Variants in TMCO4 observed in about 807,000 individuals in gnomAD.
TMCO4 encodes the protein transmembrane and coiled-coil domains 4.
Under a neutral mutation model 64.7 loss-of-function variants are expected in TMCO4, and 58 were observed. The observed-to-expected ratio is 0.90, with a 90% confidence interval of 0.73 to 1.12. The LOEUF is 1.12. Among genes scored for constraint, TMCO4 ranks in the 50% most tolerant of loss-of-function variants. The pLI, the probability that TMCO4 is intolerant of heterozygous loss-of-function variation, is 0.00. For synonymous variants in TMCO4, 325 were observed against 346.1 expected (o/e 0.94, Z 0.68); for missense variants, 780 against 825.9 (o/e 0.94, Z 0.68).
chr1:19,726,613 G>A (rs2095409800), intron 13 of TMCO4, among the ~76,000 whole-genome samples: 1 of 152,138 alleles, frequency 6.6e-6, no homozygotes, highest in African/African-American at 2.4e-5. Context: ...GAGGATTATT[G>A]CAAGGATTAA....
chr1:19,795,378 A>G (rs552226240), intron 2 of TMCO4, among the ~76,000 whole-genome samples: 1 of 152,306 alleles, frequency 6.6e-6, no homozygotes, highest in South Asian at 2.1e-4. Context: ...AGGCTGAGGC[A>G]GGAGAATCAC....
At chr1:19,733,790 G>C (rs944783261) in intron 13 of TMCO4, among the ~76,000 whole-genome samples, 1 of 152,162 alleles carries the variant, frequency 6.6e-6, no homozygotes, top group African/African-American at 2.4e-5. Context: ...ATGGAGTGTG[G>C]CTTGGAGAGA....
chr1:19,780,316 A>G (rs900019220), intron 4 of TMCO4, among the ~76,000 whole-genome samples: 2 of 152,184 alleles, frequency 1.3e-5, no homozygotes, highest in African/African-American at 4.8e-5. Flanking sequence ...CTTAGTATTC[A>G]TAAAATGCTT....
At position 19,682,801 on chromosome 1, in the gene TMCO4, G is replaced by C. The variant is rs2100490294; in HGVS notation, c.*239C>G. ...GTTGACTCTGCAGGTCTCTGATGAG[G>C]GGGCAGCTGCTCCCTGGTGGGGCTC... On this transcript the variant is annotated 3_prime_UTR_variant, in exon 16 of 16. Transcript: ENST00000294543. 3 of 718,422 alleles carry C rather than the reference G, an allele frequency of 4.2e-6. No homozygotes were observed. The East Asian group carries it at 8.1e-5, about 19-fold the overall frequency. 44.5% of individuals were successfully genotyped at this position (718,422 alleles called of 1,614,324 possible).
intron 15 of TMCO4, among the ~76,000 whole-genome samples, chr1:19,683,976 G>A (rs547856160): frequency 1.3e-5 from 2 of 150,336 alleles, no homozygotes; most frequent in African/African-American, 4.9e-5. Flanking sequence ...TGGCCAGGCT[G>A]GTCTCGAACT....
chr1:19,758,723 T>C (rs929439360), intron 6 of TMCO4, among the ~76,000 whole-genome samples: 2 of 152,168 alleles, frequency 1.3e-5, no homozygotes, highest in Non-Finnish European at 2.9e-5. Context: ...CTACCCAGGA[T>C]ATTGGCATTC....
At chr1:19,699,420 G>A (rs1282412913) in intron 14 of TMCO4, among the ~76,000 whole-genome samples, 1 of 151,036 alleles carries the variant, frequency 6.6e-6, no homozygotes, top group Non-Finnish European at 1.5e-5. Context: ...AAATGGCAGA[G>A]GCAAGATTTT....
At chr1:19,745,499 C>A (rs2041730529) in intron 10 of TMCO4, 33 bp downstream of exon 10, 1 of 1,613,232 alleles carries the variant, frequency 6.2e-7, no homozygotes, top group East Asian at 2.2e-5. Context: ...CCACTGCCCA[C>A]CCCCCTCCAC....
At chr1:19,737,058 T>G (rs896103469) in intron 13 of TMCO4, among the ~76,000 whole-genome samples, 1 of 152,284 alleles carries the variant, frequency 6.6e-6, no homozygotes, top group Admixed American at 6.5e-5. Context: ...AGAGGGAAAG[T>G]GCACCTGCCA....
At chr1:19,762,731 G>A (rs188244741) in intron 6 of TMCO4, among the ~76,000 whole-genome samples, 104 of 152,194 alleles carry the variant, frequency 6.8e-4, no homozygotes, top group Non-Finnish European at 1.2e-3. Flanking sequence ...AATCAGGAGC[G>A]GGGGGCAGGA....
intron 3 of TMCO4, among the ~76,000 whole-genome samples, 165 bp from the exon 4 acceptor site, chr1:19,780,931 C>A (rs2043443161): frequency 6.6e-6 from 1 of 151,990 alleles, no homozygotes; most frequent in East Asian, 1.9e-4. Context: ...CACTACAGAC[C>A]AGGATGGAGG....
intron 3 of TMCO4, among the ~76,000 whole-genome samples, chr1:19,783,889 C>G (rs143494169): frequency 6.6e-6 from 1 of 152,328 alleles, no homozygotes; most frequent in African/African-American, 2.4e-5. Context: ...TAGGAACCCA[C>G]GTTTGAGATT....
chr1:19,784,285 G>T (rs2043624687), intron 3 of TMCO4, among the ~76,000 whole-genome samples: 1 of 152,182 alleles, frequency 6.6e-6, no homozygotes, highest in Non-Finnish European at 1.5e-5. Context: ...TGTAATCCCA[G>T]CACTTTGGGA....
At chr1:19,795,193 G>A (rs373736740) in intron 2 of TMCO4, among the ~76,000 whole-genome samples, 4 of 151,990 alleles carry the variant, frequency 2.6e-5, no homozygotes, top group African/African-American at 4.8e-5. Flanking sequence ...AATAGGGGCC[G>A]GACACAGTGG....
Position 19,683,055 on chromosome 1 carries a change from G to C in TMCO4, c.1890C>G (p.Ser630Arg). The C allele has an allele frequency of 6.3e-7, 1 of 1,591,246 alleles. No individual in the cohort carries two copies. The highest frequency in any genetic ancestry group is 8.6e-7 in the Non-Finnish European group (1 of 1,169,494). Reference sequence around the variant, plus strand: ...CCTGCTGTGGTCAGTCCAGCCCCGTGCTGGGGCCCTGGGTCTTGCAGGCAC... The same window carrying C: ...CCTGCTGTGGTCAGTCCAGCCCCGTCCTGGGGCCCTGGGTCTTGCAGGCAC... ...PDCACKTQGPSTGLD is the reference protein window; with the variant it reads ...PDCACKTQGPRTGLD Residue 630 changes from serine to arginine, a missense_variant, in exon 16 of 16, where the codon AGC (serine) becomes AGG (arginine). Physicochemically the swap from Ser to Arg is moderately radical, Grantham distance 110 (BLOSUM62 -1). Transcript: ENST00000294543.
rs549952689 is a variant in TMCO4, at chr1:19,797,946, G to A, written c.-101+191C>T. 2.2e-3 allele frequency: 337 copies of A among 150,090 alleles called. 1 individual carries two copies. The highest frequency in any genetic ancestry group is 3.1e-3 in the Non-Finnish European group (248 of 79,414). 9.3% of individuals were successfully genotyped at this position (150,090 alleles called of 1,614,324 possible). On this transcript the variant is annotated intron_variant, in intron 2 of 15. Coordinates refer to ENST00000294543, the MANE Select transcript of TMCO4 (RefSeq NM_181719.7). ...AGGGAGGGAGAGAGAGAGAAAGAGA[G>A]AGAAAGAGAGAGAAAAGAAAAGAAA... is the stretch of plus-strand genomic sequence containing the variant.
intron 8 of TMCO4, 25 bp downstream of exon 8, chr1:19,747,138 T>TA: frequency 6.2e-7 from 1 of 1,610,748 alleles, no homozygotes; most frequent in Non-Finnish European, 8.5e-7. Context: ...CCCAGACGTG[T>TA]GCCACCATCT....
At chr1:19,684,660 G>C (rs4912015) in intron 15 of TMCO4, among the ~76,000 whole-genome samples, 104,262 of 152,090 alleles carry the variant, frequency 0.69, 36,865 homozygotes, top group Non-Finnish European at 0.78. Context: ...AACTCACTCT[G>C]CCGTTTATTC....
At chr1:19,685,062 C>T (rs2095135492) in intron 15 of TMCO4, among the ~76,000 whole-genome samples, 1 of 152,190 alleles carries the variant, frequency 6.6e-6, no homozygotes, top group Non-Finnish European at 1.5e-5. Context: ...CAGTGTCTCA[C>T]CTCTATAATC....
Sources: gnomAD v4.1 joint callset for allele counts (sites outside exome capture counted in the v4.1 genomes callset) on GRCh38, gnomAD v4.1.1 for gene constraint, MANE v1.5 for transcripts, NCBI Gene and HGNC (gene_info 2026-07-23, HGNC 2026-07-21) for gene names.